The following ZNF385B variants were observed in gnomAD, a reference collection of about 807,000 sequenced individuals.
The protein encoded by ZNF385B is zinc finger protein 533.
ZNF385B carries 23 observed loss-of-function variants against 39.2 expected under a neutral mutation model. That is an observed-to-expected ratio of 0.59 (90% confidence interval 0.42 to 0.83). The LOEUF (loss-of-function observed/expected upper bound fraction) is 0.83, where lower values mean the gene tolerates loss of function less well. ZNF385B is among the 40% of genes least tolerant of loss of function. ZNF385B has a pLI of 0.00. For synonymous variants in ZNF385B, 205 were observed against 222.6 expected, an observed-to-expected ratio of 0.92 and a Z score of 0.70; for missense variants, 552 against 598.9, an observed-to-expected ratio of 0.92 and a Z score of 0.82.
chr2:179,501,555 G>C (rs1333730420), intron 5 of ZNF385B, among the ~76,000 whole-genome samples: 1 of 152,136 alleles, frequency 6.6e-6, no homozygotes, highest in African/African-American at 2.4e-5. Flanking sequence ...GACACAGAGA[G>C]TAGAAGGATG....
At chr2:179,448,506 T>C (rs919457351) in intron 6 of ZNF385B, among the ~76,000 whole-genome samples, 2 of 152,128 alleles carry the variant, frequency 1.3e-5, no homozygotes, top group African/African-American at 4.8e-5. Context: ...CATTCTCTCA[T>C]ATTACTAATA....
intron 3 of ZNF385B, among the ~76,000 whole-genome samples, chr2:179,764,692 CT>C (rs1703589829): frequency 1.3e-5 from 2 of 152,160 alleles, no homozygotes; most frequent in Non-Finnish European, 2.9e-5. Context: ...CAGCATTTAA[CT>C]TTCCTACTTT....
Position 179,618,468 on chromosome 2 carries a change from T to C in ZNF385B, c.299-73499A>G, listed in dbSNP as rs889136310. Among the ~76,000 whole-genome samples the C allele has an allele frequency of 2.0e-5, 3 of 152,196 alleles. No individual in the cohort carries two copies. In the East Asian group the frequency reaches 5.8e-4, roughly 29 times the overall value. On this transcript the variant is annotated intron_variant, in intron 3 of 9. Transcript: ENST00000410066. ...TTTCCTCCAAAATGTCTAGAAACTT[T>C]GACTGCTACAAATAATTCACTTGTT...
chr2:179,643,614 A>G (rs1330853862), intron 3 of ZNF385B, among the ~76,000 whole-genome samples: 1 of 152,208 alleles, frequency 6.6e-6, no homozygotes, highest in Non-Finnish European at 1.5e-5. Context: ...GCCAGTTTCA[A>G]AAGGTAGCAT....
intron 5 of ZNF385B, among the ~76,000 whole-genome samples, chr2:179,506,957 A>C (rs748174007): frequency 6.6e-6 from 1 of 152,138 alleles, no homozygotes; most frequent in Admixed American, 6.5e-5. Flanking sequence ...TCAGCCCCCA[A>C]AGTAAGAGCC....
chr2:179,522,981 AT>A (rs1047004833), intron 4 of ZNF385B: 1 of 377,768 alleles, frequency 2.6e-6, no homozygotes, highest in Non-Finnish European at 5.4e-6. Flanking sequence ...GCACAATTAC[AT>A]GAAAATTTAA....
chr2:179,684,345 T>G (rs1385127102), intron 3 of ZNF385B, among the ~76,000 whole-genome samples: 1 of 152,172 alleles, frequency 6.6e-6, no homozygotes, highest in African/African-American at 2.4e-5. Context: ...AACAATTACA[T>G]CTTCATTCTC....
At chr2:179,720,172 C>G (rs1700590868) in intron 3 of ZNF385B, among the ~76,000 whole-genome samples, 1 of 152,058 alleles carries the variant, frequency 6.6e-6, no homozygotes, top group African/African-American at 2.4e-5. Context: ...AATGCCTTCT[C>G]TCAAAGGGTA....
intron 4 of ZNF385B, among the ~76,000 whole-genome samples, chr2:179,519,663 AT>A (rs2058343807): frequency 6.6e-6 from 1 of 152,214 alleles, no homozygotes; most frequent in African/African-American, 2.4e-5. Flanking sequence ...AATCTCCAAC[AT>A]TTACATCAGA....
chr2:179,488,519 A>C (rs568394590), intron 5 of ZNF385B, among the ~76,000 whole-genome samples: 5 of 152,312 alleles, frequency 3.3e-5, no homozygotes, highest in Non-Finnish European at 2.9e-5. Flanking sequence ...AACTGTGCTC[A>C]CTTTGCATGG....
At chr2:179,520,033 T>TA (rs1302170712) in intron 4 of ZNF385B, among the ~76,000 whole-genome samples, 2 of 152,114 alleles carry the variant, frequency 1.3e-5, no homozygotes, top group African/African-American at 4.8e-5. Context: ...TTGGGACACT[T>TA]AAAAATTTTA....
At chr2:179,647,361 G>A (rs1692811484) in intron 3 of ZNF385B, among the ~76,000 whole-genome samples, 1 of 151,928 alleles carries the variant, frequency 6.6e-6, no homozygotes, top group Non-Finnish European at 1.5e-5. Context: ...ACCATGCTAT[G>A]GATGCCCTGA....
At chr2:179,651,471 A>T (rs1370646497) in intron 3 of ZNF385B, among the ~76,000 whole-genome samples, 2 of 152,276 alleles carry the variant, frequency 1.3e-5, no homozygotes, top group East Asian at 3.9e-4. Context: ...TTCACTGGAA[A>T]AGCTGTCTGG....
At chr2:179,707,004 A>G (rs901407996) in intron 3 of ZNF385B, among the ~76,000 whole-genome samples, 1 of 152,144 alleles carries the variant, frequency 6.6e-6, no homozygotes. Context: ...TGGGACCCCC[A>G]TGATGTGCTA....
chr2:179,742,925 A>G (rs1010571318), intron 3 of ZNF385B, among the ~76,000 whole-genome samples: 6 of 152,088 alleles, frequency 3.9e-5, no homozygotes, highest in African/African-American at 1.4e-4. Flanking sequence ...ACTGAGATTT[A>G]TATCCTCATG....
chr2:179,859,873 C>T (rs574051044), intron 1 of ZNF385B, among the ~76,000 whole-genome samples: 1 of 152,304 alleles, frequency 6.6e-6, no homozygotes, highest in African/African-American at 2.4e-5. Flanking sequence ...GATTAAAGGA[C>T]TCTGAAAACC....
chr2:179,547,646 A>C (rs2060317208), intron 3 of ZNF385B, among the ~76,000 whole-genome samples: 1 of 149,424 alleles, frequency 6.7e-6, no homozygotes, highest in Non-Finnish European at 1.5e-5. Context: ...AAGTCAGGTA[A>C]TGTGATTCCT....
chr2:179,780,057 C>A (rs1704573001), intron 1 of ZNF385B, among the ~76,000 whole-genome samples: 1 of 152,032 alleles, frequency 6.6e-6, no homozygotes, highest in African/African-American at 2.4e-5. Flanking sequence ...GGAGCATAAA[C>A]CTTCCCAGGT....
intron 1 of ZNF385B, among the ~76,000 whole-genome samples, chr2:179,850,789 G>A (rs1244568670): frequency 6.6e-6 from 1 of 152,156 alleles, no homozygotes. Flanking sequence ...GCTTGAGAGA[G>A]AAGTAAAAGT....
Sources: gnomAD v4.1 joint callset for allele counts (sites outside exome capture counted in the v4.1 genomes callset) on GRCh38, gnomAD v4.1.1 for gene constraint, MANE v1.5 for transcripts, NCBI Gene and HGNC (gene_info 2026-07-23, HGNC 2026-07-21) for gene names.